The following LHPP variants were observed in gnomAD, a reference collection of about 807,000 sequenced individuals.
The protein encoded by LHPP is hLHPP.
Under a neutral mutation model 30.3 loss-of-function variants are expected in LHPP, and 24 were observed. The observed-to-expected ratio is 0.79, with a 90% confidence interval of 0.57 to 1.11. The LOEUF is 1.11. Ranked by LOEUF, LHPP falls within the 50% of genes most tolerant of loss-of-function variation. The probability of loss-of-function intolerance (pLI) is 0.00; values close to 1 mark genes in which losing one functional copy is unlikely to be tolerated. For synonymous variants in LHPP, 150 were observed against 157.1 expected (o/e 0.95, Z 0.34); for missense variants, 356 against 367.2 (o/e 0.97, Z 0.25).
chr10:124,568,787 C>T (rs17152031), intron 6 of LHPP, among the ~76,000 whole-genome samples: 2,287 of 152,282 alleles, frequency 0.015, 51 homozygotes, highest in African/African-American at 0.051. Context: ...ACCCTCACCT[C>T]GCCGTTACAC....
In LHPP at chr10:124,613,515, G is replaced by T; in HGVS notation, c.*155G>T. On this transcript the variant is annotated 3_prime_UTR_variant, in exon 7 of 7. Transcript: ENST00000368842. ...CTGCCTCCCCTCCACCTGCCCCAGT[G>T]CCCAGACCAACCAAGGCCCTGACAG... 1 of 640,048 alleles carries T rather than the reference G, an allele frequency of 1.6e-6. No homozygotes were observed. The highest frequency in any genetic ancestry group is 2.8e-6 in the Non-Finnish European group (1 of 354,076). The allele number at this position is 640,048 out of a possible 1,614,324, so 39.6% of individuals were successfully genotyped here.
intron 6 of LHPP, among the ~76,000 whole-genome samples, chr10:124,520,906 A>AT (rs902927228): frequency 6.6e-6 from 1 of 152,174 alleles, no homozygotes; most frequent in African/African-American, 2.4e-5. Context: ...GCTCATGAGT[A>AT]TTTTTTTATA....
At chr10:124,527,154 G>A (rs1486912869) in intron 6 of LHPP, among the ~76,000 whole-genome samples, 1 of 152,238 alleles carries the variant, frequency 6.6e-6, no homozygotes, top group African/African-American at 2.4e-5. Flanking sequence ...CTGCGGCTCG[G>A]GGACACGGCC....
Position 124,596,291 on chromosome 10 carries a change from G to A in LHPP, c.717-16973G>A, listed in dbSNP as rs139131767. 5.1e-3 allele frequency among the ~76,000 whole-genome samples: 769 copies of A among 152,142 alleles called. 8 individuals are homozygous for A. Among genetic ancestry groups the A allele is most frequent in the African/African-American group, 0.017 (690 of 41,476 alleles). On this transcript the variant is annotated intron_variant, in intron 6 of 6. Coordinates refer to ENST00000368842, the MANE Select transcript of LHPP (RefSeq NM_022126.4). The surrounding 1 kb of genome is among the most constrained non-coding windows in gnomAD (Gnocchi z 4.6). The stretch of plus-strand genomic sequence containing the variant: ...CAGGAGTGAGGTTGCTGGGTCCCGC[G>A]GCATTCATGTGTTTAGTGTAGGAGA...
chr10:124,560,726 G>A (rs374360525), intron 6 of LHPP, among the ~76,000 whole-genome samples: 1 of 152,322 alleles, frequency 6.6e-6, no homozygotes, highest in South Asian at 2.1e-4. Flanking sequence ...GGGGCCTGGG[G>A]TTTGGCTCCT....
At chr10:124,540,753 G>A (rs570298560) in intron 6 of LHPP, among the ~76,000 whole-genome samples, 2 of 152,066 alleles carry the variant, frequency 1.3e-5, no homozygotes, top group African/African-American at 4.8e-5. Flanking sequence ...CAGAGGCCCC[G>A]GGACCCCAAA....
intron 6 of LHPP, among the ~76,000 whole-genome samples, chr10:124,530,967 C>G (rs1242602979): frequency 2.0e-5 from 3 of 152,190 alleles, no homozygotes; most frequent in Non-Finnish European, 2.9e-5. Context: ...AGAACACGCT[C>G]TGGGCATTGG....
At chr10:124,506,573 C>T (rs1954075679) in intron 5 of LHPP, among the ~76,000 whole-genome samples, 1 of 150,956 alleles carries the variant, frequency 6.6e-6, no homozygotes, top group African/African-American at 2.4e-5. Context: ...GTCTTCCAGC[C>T]CCGTCCAGTG....
chr10:124,518,409 C>T (rs1954516890), intron 6 of LHPP, among the ~76,000 whole-genome samples: 3 of 152,242 alleles, frequency 2.0e-5, no homozygotes, highest in South Asian at 4.1e-4. Context: ...CTGCAAAGGT[C>T]GCAGAGCCTG....
At chr10:124,612,964 G>A (rs1391902866) in intron 6 of LHPP, 1 of 464,938 alleles carries the variant, frequency 2.2e-6, no homozygotes. Context: ...AGATGTCTGT[G>A]CTGGAGGCCC....
In LHPP at chr10:124,541,685, G is replaced by A. The variant is rs1173496412; in HGVS notation, c.716+24414G>A. On this transcript the variant is annotated intron_variant, in intron 6 of 6. Coordinates refer to ENST00000368842, the MANE Select transcript of LHPP (RefSeq NM_022126.4). The surrounding 1 kb of genome is among the most constrained non-coding windows in gnomAD (Gnocchi z 4.2). ...ACTGAGGCCCTGGAGGGCTTCTGTG[G>A]GTGGGAGTTCCCATGACGTCATCCC... Among the ~76,000 whole-genome samples the A allele has an allele frequency of 6.6e-6, 1 of 152,174 alleles. No homozygotes were observed. Among genetic ancestry groups the A allele is most frequent in the Non-Finnish European group, 1.5e-5 (1 of 68,018 alleles).
intron 6 of LHPP, among the ~76,000 whole-genome samples, chr10:124,537,198 C>T (rs56266720): frequency 0.12 from 19,005 of 152,282 alleles, 1,482 homozygotes; most frequent in Non-Finnish European, 0.16. Flanking sequence ...CCGCTGCTGG[C>T]GGCCCCACCT....
chr10:124,498,165 A>AGCCCCGTCAGGGAGGCC (rs71026096), intron 5 of LHPP, 37 bp downstream of exon 5: 172,034 of 1,541,082 alleles, frequency 0.11, 11,249 homozygotes, highest in Admixed American at 0.2. Context: ...CAGGGGAGGC[A>AGCCCCGTCAGGGAGGCC]GCCCCGTCAG....
intron 6 of LHPP, among the ~76,000 whole-genome samples, chr10:124,584,038 A>G (rs1266522998): frequency 6.6e-6 from 1 of 152,098 alleles, no homozygotes; most frequent in East Asian, 1.9e-4. Context: ...CAGCTTGTCA[A>G]TTTCAACAAA....
chr10:124,554,526 G>A (rs188007110), intron 6 of LHPP, among the ~76,000 whole-genome samples: 9 of 152,262 alleles, frequency 5.9e-5, no homozygotes, highest in Non-Finnish European at 1.0e-4. Flanking sequence ...GGATATGGCA[G>A]TTTAATAATG....
At chr10:124,594,908 G>A (rs1948923523) in intron 6 of LHPP, among the ~76,000 whole-genome samples, 1 of 152,134 alleles carries the variant, frequency 6.6e-6, no homozygotes, top group East Asian at 1.9e-4. Flanking sequence ...TGGGATTACA[G>A]GCATGAGCCA....
intron 6 of LHPP, among the ~76,000 whole-genome samples, chr10:124,607,844 C>T (rs1225081667): frequency 6.6e-6 from 1 of 152,182 alleles, no homozygotes; most frequent in Non-Finnish European, 1.5e-5. Context: ...ACGTCAGACC[C>T]GGGCCGCGGC....
intron 6 of LHPP, among the ~76,000 whole-genome samples, chr10:124,533,950 G>A (rs1564815187): frequency 6.6e-6 from 1 of 152,232 alleles, no homozygotes; most frequent in South Asian, 2.1e-4. Flanking sequence ...CCCATGAGTC[G>A]AGGCTCATTG....
At chr10:124,567,649 C>T (rs1948514605) in intron 6 of LHPP, among the ~76,000 whole-genome samples, 1 of 152,262 alleles carries the variant, frequency 6.6e-6, no homozygotes, top group South Asian at 2.1e-4. Context: ...CCAGCCGCAG[C>T]GGCCACTTGT....
Sources: allele counts gnomAD v4.1 joint callset (sites outside exome capture counted in the v4.1 genomes callset), GRCh38; gene constraint gnomAD v4.1.1; non-coding constraint Gnocchi (gnomAD v3.1); transcripts MANE v1.5; gene names NCBI Gene and HGNC (gene_info 2026-07-23, HGNC 2026-07-21).